The following COP1 variants were observed in gnomAD, a reference collection of about 807,000 sequenced individuals.
COP1 encodes the protein E3 ubiquitin-protein ligase COP1.
A neutral mutation model predicts 101.3 loss-of-function variants in COP1; 24 were observed. The ratio of observed to expected loss-of-function variants is 0.24; its 90% CI spans 0.17 to 0.33. COP1 has a LOEUF of 0.33. COP1 is among the 10% of genes least tolerant of loss of function. COP1 has a pLI of 1.00. For missense variants in COP1, 663 were observed against 906.2 expected, an observed-to-expected ratio of 0.73 and a Z score of 3.45; for synonymous variants, 347 against 341.9, an observed-to-expected ratio of 1.01 and a Z score of -0.17.
intron 18 of COP1, among the ~76,000 whole-genome samples, chr1:175,984,431 G>A (rs529928716): frequency 2.0e-4 from 30 of 152,330 alleles, no homozygotes; most frequent in Admixed American, 1.5e-3. Context: ...GATTTCAGAG[G>A]ATGTATGGAA....
chr1:175,999,984 A>G (rs1661200271), intron 15 of COP1, among the ~76,000 whole-genome samples: 1 of 151,910 alleles, frequency 6.6e-6, no homozygotes, highest in African/African-American at 2.4e-5. Flanking sequence ...AAATTGTCTG[A>G]GCTCCTTATA....
intron 15 of COP1, among the ~76,000 whole-genome samples, chr1:175,998,063 TAAAAAAAAA>T (rs57110017): frequency 1.2e-4 from 8 of 66,820 alleles, no homozygotes; most frequent in South Asian, 6.8e-4. Context: ...AGAGTATAAT[TAAAAAAAAA>T]AAAAAAAAAA....
At chr1:176,136,034 C>A (rs1689732430) in intron 7 of COP1, among the ~76,000 whole-genome samples, 5 of 151,972 alleles carry the variant, frequency 3.3e-5, no homozygotes, top group Admixed American at 3.3e-4. Flanking sequence ...TCCCAAGGAT[C>A]CTCCCATAAA....
intron 17 of COP1, among the ~76,000 whole-genome samples, chr1:175,987,950 C>T (rs954983373): frequency 6.6e-6 from 1 of 152,094 alleles, no homozygotes; most frequent in Non-Finnish European, 1.5e-5. Flanking sequence ...CATAATGTCT[C>T]CAAAATTGGA....
At chr1:175,982,504 T>TATATTTTCTTTTATGATTTCCTTAATA in intron 18 of COP1, 1 of 378,334 alleles carries the variant, frequency 2.6e-6, no homozygotes, top group Non-Finnish European at 5.2e-6. Context: ...AAACAGTAAA[T>TATATTTTCTTTTATGATTTCCTTAATA]ATATTTTCTT....
chr1:176,092,005 A>G (rs1012963303), intron 9 of COP1, among the ~76,000 whole-genome samples: 6 of 152,178 alleles, frequency 3.9e-5, no homozygotes, highest in Admixed American at 6.5e-5. Flanking sequence ...GAAAACAGCC[A>G]CTGTATATGA....
intron 3 of COP1, among the ~76,000 whole-genome samples, chr1:176,166,333 C>A (rs1370378414): frequency 1.3e-5 from 2 of 152,100 alleles, no homozygotes; most frequent in African/African-American, 4.8e-5. Context: ...CACCATGTTG[C>A]CCAGGCTGAT....
intron 8 of COP1, among the ~76,000 whole-genome samples, chr1:176,118,987 A>T (rs2149613729): frequency 1.3e-5 from 2 of 152,366 alleles, no homozygotes; most frequent in Admixed American, 1.3e-4. Context: ...CAAAAAACAA[A>T]AACCTTGTTT....
chr1:176,180,341 C>G (rs185624637), intron 2 of COP1, among the ~76,000 whole-genome samples: 10 of 152,280 alleles, frequency 6.6e-5, no homozygotes, highest in Non-Finnish European at 1.3e-4. Flanking sequence ...TTTCTTACCC[C>G]AGTAACTCTA....
At chr1:176,098,787 T>C (rs144300630) in intron 9 of COP1, among the ~76,000 whole-genome samples, 1 of 151,978 alleles carries the variant, frequency 6.6e-6, no homozygotes, top group Non-Finnish European at 1.5e-5. Context: ...GTTTTAAACC[T>C]CTAACATATT....
intron 1 of COP1, among the ~76,000 whole-genome samples, chr1:176,188,440 T>C (rs532591605): frequency 6.6e-6 from 1 of 152,174 alleles, no homozygotes; most frequent in South Asian, 2.1e-4. Flanking sequence ...GAAAAACGTA[T>C]CCATTTAGAA....
chr1:175,959,825 A>G, intron 18 of COP1, among the ~76,000 whole-genome samples: 1 of 152,182 alleles, frequency 6.6e-6, no homozygotes, highest in East Asian at 1.9e-4. Context: ...TTCTAGGTAA[A>G]TTACCATCAT....
intron 9 of COP1, among the ~76,000 whole-genome samples, chr1:176,095,211 CCATACACACATTTT>C (rs1207134416): frequency 6.6e-6 from 1 of 151,958 alleles, no homozygotes; most frequent in Non-Finnish European, 1.5e-5. Context: ...ACTATTAAAC[CCATACACACATTTT>C]CATACAAGCA....
chr1:176,092,613 TTATAGTGG>T (rs1394417352), intron 9 of COP1, among the ~76,000 whole-genome samples: 4 of 152,160 alleles, frequency 2.6e-5, no homozygotes, highest in Non-Finnish European at 5.9e-5. Flanking sequence ...AGGTGCTGTT[TTATAGTGG>T]CAGGAAAATA....
At chr1:176,027,062 T>C (rs1279145381) in intron 15 of COP1, among the ~76,000 whole-genome samples, 2 of 152,146 alleles carry the variant, frequency 1.3e-5, no homozygotes, top group African/African-American at 4.8e-5. Context: ...CAAATGATTA[T>C]TTGGTATGAT....
At chr1:176,112,183 CCTT>C (rs1281949015) in intron 9 of COP1, among the ~76,000 whole-genome samples, 1 of 151,466 alleles carries the variant, frequency 6.6e-6, no homozygotes, top group East Asian at 1.9e-4. Flanking sequence ...CCAAAAGTCT[CCTT>C]CACCACATAA....
intron 5 of COP1, among the ~76,000 whole-genome samples, chr1:176,158,398 C>T (rs1398733637): frequency 1.3e-5 from 2 of 152,082 alleles, no homozygotes; most frequent in East Asian, 3.9e-4. Context: ...TAAATGATGT[C>T]CTTGAGGCTA....
chr1:176,050,201 A>G (rs1672301297), intron 11 of COP1, among the ~76,000 whole-genome samples: 1 of 152,220 alleles, frequency 6.6e-6, no homozygotes, highest in Admixed American at 6.5e-5. Flanking sequence ...GATTTATATC[A>G]ACAGCTGAAA....
intron 17 of COP1, among the ~76,000 whole-genome samples, chr1:175,987,974 GAACTTA>G (rs1657522700): frequency 1.3e-5 from 2 of 152,214 alleles, no homozygotes; most frequent in South Asian, 4.1e-4. Flanking sequence ...ATTACTAACA[GAACTTA>G]ACCTTTTCTG....
Sources: allele counts gnomAD v4.1 joint callset (sites outside exome capture counted in the v4.1 genomes callset), GRCh38; gene constraint gnomAD v4.1.1; transcripts MANE v1.5; gene names NCBI Gene and HGNC (gene_info 2026-07-23, HGNC 2026-07-21).